Variants in KCNMA1 observed in about 807,000 individuals in gnomAD.
The protein encoded by KCNMA1 is Calcium-activated potassium channel subunit alpha-1.
KCNMA1 carries 29 observed loss-of-function variants against 140.0 expected under a neutral mutation model. The ratio of observed to expected loss-of-function variants is 0.21; its 90% CI spans 0.15 to 0.28. The LOEUF is 0.28. Ranked by LOEUF, KCNMA1 falls within the 10% of genes least tolerant of loss-of-function variation. The probability of loss-of-function intolerance (pLI) is 1.00; values close to 1 mark genes in which losing one functional copy is unlikely to be tolerated. For missense variants in KCNMA1, 880 were observed against 1,602.2 expected (o/e 0.55, Z 7.70); for synonymous variants, 612 against 611.9 (o/e 1.00, Z 0.00).
rs796136720 is a variant in KCNMA1 at position 77,387,556 on chromosome 10, TTTTTCTTTTC to T, written c.540+16296_540+16305del. Among the ~76,000 whole-genome samples, 3 of 113,160 alleles carry T rather than the reference TTTTTCTTTTC, an allele frequency of 2.7e-5. No homozygotes were observed. In the East Asian group the frequency reaches 6.8e-4, roughly 26 times the overall value. The allele number at this position is 113,160 out of a possible 152,430, so 74.2% of individuals were successfully genotyped here. ...TTTTCTTTTCTTTTCTTTTCTTTTC[TTTTTCTTTTC>T]TTTTCTTTTTTTTCTTTTCTCTTTT... On this transcript the variant is annotated intron_variant, in intron 2 of 27. Transcript: ENST00000286628.
At chr10:77,236,680 T>A (rs1190029091) in intron 3 of KCNMA1, among the ~76,000 whole-genome samples, 1 of 152,270 alleles carries the variant, frequency 6.6e-6, no homozygotes, top group Non-Finnish European at 1.5e-5. Flanking sequence ...ATACATACGT[T>A]TATACAGTAT....
intron 9 of KCNMA1, among the ~76,000 whole-genome samples, chr10:77,103,903 C>G (rs1189264666): frequency 2.0e-5 from 3 of 152,158 alleles, no homozygotes; most frequent in African/African-American, 7.2e-5. Flanking sequence ...GAGCACGGTA[C>G]TCTGGCTCCC....
At chr10:76,951,062 C>T (rs2066073364) in intron 21 of KCNMA1, among the ~76,000 whole-genome samples, 1 of 152,144 alleles carries the variant, frequency 6.6e-6, no homozygotes, top group Non-Finnish European at 1.5e-5. Flanking sequence ...GGCCAGGTCA[C>T]CTGGGAGGCT....
At chr10:77,128,907 C>A (rs945040980) in intron 5 of KCNMA1, among the ~76,000 whole-genome samples, 9 of 152,170 alleles carry the variant, frequency 5.9e-5, no homozygotes, top group South Asian at 2.1e-4. Flanking sequence ...GCATTTCTAA[C>A]AAGCTCTAAG....
rs374129193 is a variant in KCNMA1 at position 77,079,455 on chromosome 10, C to T, written c.1593+26G>A. 3.9e-5 allele frequency: 60 copies of T among 1,528,458 alleles called. No homozygotes were observed. In the African/African-American group the frequency reaches 7.0e-4, roughly 18 times the overall value. 94.7% of individuals were successfully genotyped at this position (1,528,458 alleles called of 1,614,324 possible). ...CTGGACCTGTGGATGGGTCTTCAGACCTGGAGCGGGCTCTCGCACTCCTAC... is the reference window on the plus strand; with the variant it reads ...CTGGACCTGTGGATGGGTCTTCAGATCTGGAGCGGGCTCTCGCACTCCTAC... On this transcript the variant is annotated intron_variant, in intron 13 of 27. Transcript: ENST00000286628.
At chr10:76,933,931 C>T (rs1441888152) in intron 23 of KCNMA1, among the ~76,000 whole-genome samples, 4 of 152,004 alleles carry the variant, frequency 2.6e-5, no homozygotes, top group Non-Finnish European at 5.9e-5. Flanking sequence ...TGCAGTGCCA[C>T]TTTTTCTTTC....
intron 2 of KCNMA1, chr10:77,376,662 G>C (rs1334955047): frequency 6.9e-6 from 1 of 145,830 alleles, no homozygotes; most frequent in Non-Finnish European, 1.5e-5. Flanking sequence ...ATGAGGCCGG[G>C]CACAGTGGCT....
At chr10:77,094,813 G>C (rs889346834) in intron 9 of KCNMA1, among the ~76,000 whole-genome samples, 2 of 152,100 alleles carry the variant, frequency 1.3e-5, no homozygotes, top group African/African-American at 4.8e-5. Flanking sequence ...CGATCCTCCT[G>C]TCTTAACTTC....
intron 14 of KCNMA1, among the ~76,000 whole-genome samples, chr10:77,063,091 T>C (rs552716550): frequency 1.6e-4 from 25 of 152,320 alleles, no homozygotes; most frequent in Middle Eastern, 3.4e-3. Flanking sequence ...TTTCCTTGTG[T>C]ATCTGGTCAA....
chr10:76,927,793 T>A (rs2058141194), intron 23 of KCNMA1, among the ~76,000 whole-genome samples: 1 of 152,142 alleles, frequency 6.6e-6, no homozygotes, highest in Non-Finnish European at 1.5e-5. Flanking sequence ...ACGTTGTATG[T>A]CTAGTTTTGT....
chr10:76,961,152 C>A (rs1203821029), intron 20 of KCNMA1, among the ~76,000 whole-genome samples: 1 of 150,740 alleles, frequency 6.6e-6, no homozygotes, highest in Admixed American at 6.7e-5. Context: ...AATCGCCATT[C>A]TAGATGCTAA....
At position 77,582,010 on chromosome 10, in the gene KCNMA1, C is replaced by A. The variant is rs533739050; in HGVS notation, c.378+55255G>T. Among the ~76,000 whole-genome samples, 475 of 152,342 alleles carry A rather than the reference C, an allele frequency of 3.1e-3. 7 individuals carry two copies. Among genetic ancestry groups the A allele is most frequent in the South Asian group, 0.025 (119 of 4,822 alleles). ...ACCTCTTTTTAAAAATTCAGCAAAC[C>A]AGGAGACATACCCTCAGGGTGTAGC... On this transcript the variant is annotated intron_variant, in intron 1 of 27. Coordinates refer to ENST00000286628, the MANE Select transcript of KCNMA1 (RefSeq NM_001161352.2).
chr10:77,012,163 T>A (rs2090939187), intron 17 of KCNMA1, 120 bp from the exon 18 acceptor site: 1 of 1,569,608 alleles, frequency 6.4e-7, no homozygotes, highest in Admixed American at 1.9e-5. Flanking sequence ...TTTCCTTTAA[T>A]CTTTTGAAAG....
intron 21 of KCNMA1, 75 bp from the exon 22 acceptor site, chr10:76,949,441 T>G: frequency 8.1e-7 from 1 of 1,241,342 alleles, no homozygotes; most frequent in Non-Finnish European, 1.2e-6. Flanking sequence ...AATAAATCAT[T>G]TGTGCAAAGA....
chr10:77,458,025 T>C (rs966259265), intron 1 of KCNMA1, among the ~76,000 whole-genome samples: 3 of 152,198 alleles, frequency 2.0e-5, no homozygotes, highest in African/African-American at 7.2e-5. Context: ...CGAGTGAATA[T>C]TCCTAGAGTT....
chr10:77,073,274 T>A (rs1294635661), intron 13 of KCNMA1, 22 bp from the exon 14 acceptor site: 3 of 1,613,374 alleles, frequency 1.9e-6, no homozygotes, highest in Admixed American at 1.7e-5. Context: ...AAAGCAGGTA[T>A]GAGACCTTGC....
chr10:77,296,824 C>T (rs1302799388), intron 2 of KCNMA1, among the ~76,000 whole-genome samples: 2 of 145,888 alleles, frequency 1.4e-5, no homozygotes, highest in African/African-American at 2.5e-5. Context: ...GATGACATGG[C>T]GGTATGAAAA....
At chr10:77,289,461 G>A (rs2072365505) in intron 2 of KCNMA1, among the ~76,000 whole-genome samples, 1 of 152,130 alleles carries the variant, frequency 6.6e-6, no homozygotes, top group South Asian at 2.1e-4. Flanking sequence ...AGTTACCAAG[G>A]GCCCACAAGG....
Position 77,573,642 on chromosome 10 carries a change from GGAATA to G in KCNMA1, c.378+63618_378+63622del, listed in dbSNP as rs57641471. Among the ~76,000 whole-genome samples the G allele has an allele frequency of 2.9e-3, 192 of 65,188 alleles. 2 individuals carry two copies. Among genetic ancestry groups the G allele is most frequent in the African/African-American group, 6.1e-3 (111 of 18,066 alleles). The allele number at this position is 65,188 out of a possible 152,430, so 42.8% of individuals were successfully genotyped here. ...GGAATGGAATGGAATGGAATGGAAT[GGAATA>G]GAATAGAATAGAATAGAATAGAATA... On this transcript the variant is annotated intron_variant, in intron 1 of 27. Coordinates refer to ENST00000286628, the MANE Select transcript of KCNMA1 (RefSeq NM_001161352.2).
Sources: allele counts gnomAD v4.1 joint callset (sites outside exome capture counted in the v4.1 genomes callset), GRCh38; gene constraint gnomAD v4.1.1; transcripts MANE v1.5; gene names NCBI Gene and HGNC (gene_info 2026-07-23, HGNC 2026-07-21).